TUSC3: variants seen among roughly 807,000 people sequenced by gnomAD.
The protein encoded by TUSC3 is dolichyl-diphosphooligosaccharide--protein glycosyltransferase subunit TUSC3.
TUSC3 carries 45 observed loss-of-function variants against 44.8 expected under a neutral mutation model. The ratio of observed to expected loss-of-function variants is 1.00; its 90% CI spans 0.79 to 1.29. The LOEUF (loss-of-function observed/expected upper bound fraction) is 1.29, where lower values mean the gene tolerates loss of function less well. Among genes scored for constraint, TUSC3 ranks in the 50% most tolerant of loss-of-function variants. The pLI, the probability that TUSC3 is intolerant of heterozygous loss-of-function variation, is 0.00. For synonymous variants in TUSC3, 212 were observed against 152.9 expected (o/e 1.39, Z -2.85); for missense variants, 519 against 437.9 (o/e 1.19, Z -1.65).
At chr8:15,778,463 C>T in the TUSC3 span, among the ~76,000 whole-genome samples, 1 of 152,074 alleles carries the variant, frequency 6.6e-6, no homozygotes, top group Non-Finnish European at 1.5e-5. Flanking sequence ...CAGAAGAAAA[C>T]TATTAATGAT....
Position 15,743,617 on chromosome 8 carries a change from G to C in TUSC3, c.937+5G>C. 2 of 1,613,904 alleles carry C rather than the reference G, an allele frequency of 1.2e-6. No individual in the cohort carries two copies. Among genetic ancestry groups the C allele is most frequent in the Non-Finnish European group, 1.7e-6 (2 of 1,179,820 alleles). ...GCGATGTTGGAAAAAGACGGAGTAA[G>C]TCTCTGTGTTGCCATTTTTGTAATT... On this transcript the variant is annotated splice_donor_5th_base_variant and intron_variant, in intron 8 of 10. Transcript: ENST00000503731.
chr8:15,628,669 G>A (rs183946450), intron 2 of TUSC3, among the ~76,000 whole-genome samples: 4 of 152,280 alleles, frequency 2.6e-5, no homozygotes, highest in Admixed American at 2.6e-4. Flanking sequence ...TATTCACTGA[G>A]AAGCAATGGA....
the TUSC3 span, among the ~76,000 whole-genome samples, chr8:15,773,589 G>C: frequency 6.6e-6 from 1 of 152,068 alleles, no homozygotes; most frequent in African/African-American, 2.4e-5. Context: ...TAAGAAAGCT[G>C]ATTCATATGA....
intron 2 of TUSC3, among the ~76,000 whole-genome samples, chr8:15,649,048 C>G (rs1415328382): frequency 6.6e-6 from 1 of 152,080 alleles, no homozygotes; most frequent in Non-Finnish European, 1.5e-5. Context: ...AATCTCAGAT[C>G]CTGCACAGTT....
At chr8:15,784,981 T>C in the TUSC3 span, among the ~76,000 whole-genome samples, 1 of 151,682 alleles carries the variant, frequency 6.6e-6, no homozygotes, top group Non-Finnish European at 1.5e-5. Context: ...AATACATACA[T>C]GTACAGAAAC....
intron 1 of TUSC3, among the ~76,000 whole-genome samples, chr8:15,602,098 TG>T (rs1804312050): frequency 1.3e-5 from 2 of 151,674 alleles, no homozygotes; most frequent in African/African-American, 4.8e-5. Context: ...TGAAGCATTT[TG>T]GATTTCAGAT....
At chr8:15,791,824 G>A in the TUSC3 span, among the ~76,000 whole-genome samples, 1 of 151,996 alleles carries the variant, frequency 6.6e-6, no homozygotes, top group African/African-American at 2.4e-5. Flanking sequence ...ATAAGTACAC[G>A]CTCTTTCACC....
chr8:15,757,567 C>G (rs892244283), intron 9 of TUSC3, among the ~76,000 whole-genome samples: 1 of 152,132 alleles, frequency 6.6e-6, no homozygotes, highest in African/African-American at 2.4e-5. Context: ...CTCAACCTTT[C>G]TCATGCTGAG....
intron 5 of TUSC3, among the ~76,000 whole-genome samples, chr8:15,662,675 T>A (rs1807477228): frequency 6.6e-6 from 1 of 152,010 alleles, no homozygotes; most frequent in Non-Finnish European, 1.5e-5. Context: ...TTCTTGTGTA[T>A]CTTCTATGTG....
the TUSC3 span, among the ~76,000 whole-genome samples, chr8:15,775,549 T>G: frequency 3.9e-4 from 59 of 151,804 alleles, no homozygotes; most frequent in Non-Finnish European, 5.0e-4. Flanking sequence ...GAAGACATGG[T>G]TCTCTTATCC....
At chr8:15,849,135 G>A in the TUSC3 span, among the ~76,000 whole-genome samples, 3 of 152,006 alleles carry the variant, frequency 2.0e-5, no homozygotes, top group Admixed American at 6.6e-5. Flanking sequence ...TACTACATTC[G>A]ATCAAAATTC....
rs548976736 is a variant in TUSC3 at position 15,441,186 on chromosome 8, C to T, written n.91+23881C>T. ...CTTTGGGAGGCTGAGACAGGTGGAT[C>T]GCCACAGGTCAGAAGTTCAAAACCA... On this transcript the variant is annotated intron_variant and non_coding_transcript_variant, in intron 1 of 5. Transcript: ENST00000503191. Among the ~76,000 whole-genome samples, 39 of 152,338 alleles carry T rather than the reference C, an allele frequency of 2.6e-4. No homozygotes were observed. In the South Asian group the frequency reaches 6.6e-3, roughly 26 times the overall value.
intron 2 of TUSC3, among the ~76,000 whole-genome samples, chr8:15,647,913 C>T (rs970016158): frequency 2.0e-5 from 3 of 152,128 alleles, no homozygotes; most frequent in African/African-American, 4.8e-5. Context: ...ACTTTTTTCT[C>T]TGAGAACTTT....
chr8:15,644,062 T>C (rs919268952), intron 2 of TUSC3, among the ~76,000 whole-genome samples: 2 of 152,242 alleles, frequency 1.3e-5, no homozygotes, highest in Non-Finnish European at 2.9e-5. Context: ...TTAAAAATTA[T>C]ATTCATCATG....
intron 6 of TUSC3, among the ~76,000 whole-genome samples, chr8:15,707,906 G>A (rs192127667): frequency 6.6e-6 from 1 of 152,014 alleles, no homozygotes; most frequent in Admixed American, 6.6e-5. Flanking sequence ...CTCTTTCTTA[G>A]GTTCTAGTAG....
intron 1 of TUSC3, among the ~76,000 whole-genome samples, chr8:15,617,247 C>T (rs1403755363): frequency 2.7e-5 from 4 of 150,558 alleles, no homozygotes; most frequent in Admixed American, 6.6e-5. Flanking sequence ...TCAAGTGATT[C>T]TCCTGCTTCA....
At chr8:15,807,249 T>C in the TUSC3 span, 2 of 635,542 alleles carry the variant, frequency 3.1e-6, no homozygotes, top group Non-Finnish European at 5.7e-6. Context: ...GGCATTATGC[T>C]CTTCCATCTT....
intron 1 of TUSC3, among the ~76,000 whole-genome samples, chr8:15,573,858 A>G (rs986341328): frequency 5.3e-5 from 8 of 152,080 alleles, no homozygotes; most frequent in African/African-American, 1.9e-4. Context: ...TCGTCAGAAC[A>G]TGTCATATTG....
intron 1 of TUSC3, among the ~76,000 whole-genome samples, chr8:15,438,130 C>G (rs921742940): frequency 2.6e-5 from 4 of 152,074 alleles, no homozygotes; most frequent in Non-Finnish European, 5.9e-5. Flanking sequence ...GAGTTTCACT[C>G]GTTACCCAGG....
Sources: allele counts gnomAD v4.1 joint callset (sites outside exome capture counted in the v4.1 genomes callset), GRCh38; gene constraint gnomAD v4.1.1; transcripts MANE v1.5; gene names NCBI Gene and HGNC (gene_info 2026-07-23, HGNC 2026-07-21).